Variants in SH3RF3 observed in about 807,000 individuals in gnomAD.
SH3RF3 encodes SH3 domain containing ring finger 3.
Under a neutral mutation model 66.3 loss-of-function variants are expected in SH3RF3, and 29 were observed. The observed-to-expected ratio is 0.44, with a 90% CI of 0.33 to 0.60. The LOEUF (loss-of-function observed/expected upper bound fraction) is 0.60. SH3RF3 is among the 20% of genes least tolerant of loss of function. SH3RF3 has a pLI of 0.04. For missense variants in SH3RF3, 1,194 were observed against 1,190.9 expected, an observed-to-expected ratio of 1.00 and a Z score of -0.04; for synonymous variants, 583 against 532.0, an observed-to-expected ratio of 1.10 and a Z score of -1.32.
chr2:109,138,478 C>T (rs1393096648), intron 1 of SH3RF3, among the ~76,000 whole-genome samples: 7 of 152,200 alleles, frequency 4.6e-5, no homozygotes, highest in Admixed American at 4.6e-4. Flanking sequence ...TAAAAATTAG[C>T]TTGGTGCTGC....
At chr2:109,135,331 A>C (rs1676790941) in intron 1 of SH3RF3, among the ~76,000 whole-genome samples, 1 of 152,152 alleles carries the variant, frequency 6.6e-6, no homozygotes, top group South Asian at 2.1e-4. Flanking sequence ...AAGGAGGGGA[A>C]GGGGTGGTGG....
In SH3RF3 at chr2:109,421,825, C is replaced by T. The variant is rs1254493780; in HGVS notation, c.1403+2183C>T. On this transcript the variant is annotated intron_variant, in intron 5 of 9. Transcript: ENST00000309415. ...GGAGCTGGATCATGGTCAGCATGAC[C>T]TGTGACTGGTGATGGTCCGTTCCAT... 1.3e-5 allele frequency among the ~76,000 whole-genome samples: 2 copies of T among 152,204 alleles called. 1 individual carries two copies. Among genetic ancestry groups the T allele is most frequent in the Non-Finnish European group, 2.9e-5 (2 of 68,040 alleles).
intron 1 of SH3RF3, chr2:109,251,563 A>G: frequency 1.2e-6 from 1 of 802,472 alleles, no homozygotes; most frequent in South Asian, 1.3e-5. Flanking sequence ...ATGTGTGGAG[A>G]TGGCGACTGG....
At chr2:109,384,314 G>T (rs1025316903) in intron 3 of SH3RF3, among the ~76,000 whole-genome samples, 1 of 152,198 alleles carries the variant, frequency 6.6e-6, no homozygotes, top group African/African-American at 2.4e-5. Flanking sequence ...TACTCTCCGT[G>T]GAGAAAGTAA....
At chr2:109,452,896 C>G (rs1224277253) in intron 8 of SH3RF3, among the ~76,000 whole-genome samples, 1 of 144,212 alleles carries the variant, frequency 6.9e-6, no homozygotes, top group Non-Finnish European at 1.5e-5. Flanking sequence ...TCCCAGGAGG[C>G]TGGTCCCGGG....
intron 1 of SH3RF3, among the ~76,000 whole-genome samples, chr2:109,132,516 C>T (rs1007664754): frequency 6.6e-6 from 1 of 152,234 alleles, no homozygotes; most frequent in Non-Finnish European, 1.5e-5. Flanking sequence ...TGAGATAAAG[C>T]GCTTTTGTGG....
chr2:109,318,584 G>T (rs1230644980), intron 1 of SH3RF3, among the ~76,000 whole-genome samples: 1 of 152,228 alleles, frequency 6.6e-6, no homozygotes, highest in East Asian at 1.9e-4. Flanking sequence ...CATGTGAGTA[G>T]AGCCAGCTCC....
At chr2:109,499,556 C>T (rs1679337141) in intron 9 of SH3RF3, among the ~76,000 whole-genome samples, 1 of 152,166 alleles carries the variant, frequency 6.6e-6, no homozygotes, top group Non-Finnish European at 1.5e-5. Flanking sequence ...TTCCCCAGGG[C>T]AGAGGGAGGC....
At chr2:109,390,531 A>G (rs1289161259) in intron 3 of SH3RF3, among the ~76,000 whole-genome samples, 1 of 152,192 alleles carries the variant, frequency 6.6e-6, no homozygotes, top group Non-Finnish European at 1.5e-5. Flanking sequence ...ACATCACCCA[A>G]TATCAAGAGG....
intron 1 of SH3RF3, among the ~76,000 whole-genome samples, chr2:109,199,612 T>TAC (rs1574499835): frequency 6.0e-3 from 2 of 336 alleles, no homozygotes; most frequent in African/African-American, 8.8e-3. Context: ...TGGAATGGAA[T>TAC]GGAATGGAAT....
chr2:109,260,965 G>A (rs1480408090), intron 1 of SH3RF3, among the ~76,000 whole-genome samples: 1 of 152,168 alleles, frequency 6.6e-6, no homozygotes, highest in Non-Finnish European at 1.5e-5. Context: ...TGTTTGAGGT[G>A]TTCTCAGCCC....
chr2:109,431,631 G>C (rs1361267292), intron 5 of SH3RF3, among the ~76,000 whole-genome samples: 1 of 152,156 alleles, frequency 6.6e-6, no homozygotes, highest in Non-Finnish European at 1.5e-5. Context: ...CAGCACTTTG[G>C]GAGGCTGAAA....
chr2:109,482,343 G>A (rs941289446), intron 8 of SH3RF3, among the ~76,000 whole-genome samples: 8 of 152,258 alleles, frequency 5.3e-5, no homozygotes, highest in Admixed American at 4.6e-4. Context: ...GGGAAGTGGG[G>A]CTAAGAGCAG....
chr2:109,267,783 C>T (rs1041895842), intron 1 of SH3RF3, among the ~76,000 whole-genome samples: 19 of 152,224 alleles, frequency 1.2e-4, no homozygotes, highest in Admixed American at 5.2e-4. Flanking sequence ...GTCCCTGGAG[C>T]GAGGCCGAGT....
At chr2:109,315,347 A>G (rs1392189574) in intron 1 of SH3RF3, among the ~76,000 whole-genome samples, 1 of 152,208 alleles carries the variant, frequency 6.6e-6, no homozygotes, top group African/African-American at 2.4e-5. Flanking sequence ...AGCCAGGTAA[A>G]GTGCTTTGTT....
chr2:109,359,405 A>G (rs1182302565), intron 2 of SH3RF3, among the ~76,000 whole-genome samples: 1 of 151,874 alleles, frequency 6.6e-6, no homozygotes, highest in East Asian at 1.9e-4. Context: ...ATCCATGAAC[A>G]TGAAATATCT....
intron 7 of SH3RF3, among the ~76,000 whole-genome samples, chr2:109,442,749 G>A (rs73953112): frequency 0.035 from 5,249 of 152,136 alleles, 274 homozygotes; most frequent in African/African-American, 0.11. Flanking sequence ...GAATAAAAAG[G>A]AATCATGAAA....
intron 8 of SH3RF3, among the ~76,000 whole-genome samples, chr2:109,486,084 AG>A (rs1678969277): frequency 6.6e-6 from 1 of 152,220 alleles, no homozygotes; most frequent in Admixed American, 6.5e-5. Context: ...GGCACTGAGT[AG>A]GTGTTAGTAA....
At chr2:109,368,708 T>TAAA (rs372666198) in intron 2 of SH3RF3, among the ~76,000 whole-genome samples, 16,630 of 136,456 alleles carry the variant, frequency 0.12, 1,035 homozygotes, top group Middle Eastern at 0.24. Context: ...GTATTTTCTT[T>TAAA]AAAAAAAAAA....
Sources: gnomAD v4.1 joint callset for allele counts (sites outside exome capture counted in the v4.1 genomes callset) on GRCh38, gnomAD v4.1.1 for gene constraint, MANE v1.5 for transcripts, NCBI Gene and HGNC (gene_info 2026-07-23, HGNC 2026-07-21) for gene names.